Variants in EFCAB5 observed in about 807,000 individuals in gnomAD.
The protein encoded by EFCAB5 is EF-hand calcium binding domain 5.
Under a neutral mutation model 167.9 loss-of-function variants are expected in EFCAB5, and 131 were observed. The ratio of observed to expected loss-of-function variants is 0.78; its 90% confidence interval spans 0.68 to 0.90. The LOEUF is 0.90. Ranked by LOEUF, EFCAB5 falls within the 40% of genes least tolerant of loss-of-function variation. The pLI, the probability that EFCAB5 is intolerant of heterozygous loss-of-function variation, is 0.00. For synonymous variants in EFCAB5, 574 were observed against 602.8 expected (o/e 0.95, Z 0.70); for missense variants, 1,663 against 1,745.2 (o/e 0.95, Z 0.84).
chr17:30,013,573 C>T (rs1377732923), intron 7 of EFCAB5, among the ~76,000 whole-genome samples: 3 of 151,890 alleles, frequency 2.0e-5, no homozygotes, highest in Non-Finnish European at 2.9e-5. Context: ...CTTCTAGATT[C>T]CCTAGTTTAT....
chr17:30,108,100 T>C lies in EFCAB5; in HGVS notation c.*76T>C. On this transcript the variant is annotated 3_prime_UTR_variant, in exon 23 of 23. Coordinates refer to ENST00000394835, the MANE Select transcript of EFCAB5 (RefSeq NM_198529.4). ...TCAGTTTTGTTTGTTAACTATAAAA[T>C]ATTTTCCATTGGAAAGGGGTACCTA... 1 of 1,468,192 alleles carries C rather than the reference T, an allele frequency of 6.8e-7. No individual in the cohort carries two copies. Among genetic ancestry groups the C allele is most frequent in the Non-Finnish European group, 9.1e-7 (1 of 1,095,378 alleles). The allele number at this position is 1,468,192 out of a possible 1,614,324, so 90.9% of individuals were successfully genotyped here.
chr17:29,982,400 A>G (rs1310887042), intron 4 of EFCAB5, among the ~76,000 whole-genome samples: 1 of 152,156 alleles, frequency 6.6e-6, no homozygotes, highest in Non-Finnish European at 1.5e-5. Flanking sequence ...CAAAAAAAAA[A>G]GAAAGAAAGA....
chr17:30,009,671 T>G (rs2068849883), intron 7 of EFCAB5, among the ~76,000 whole-genome samples: 2 of 152,218 alleles, frequency 1.3e-5, no homozygotes, highest in African/African-American at 4.8e-5. Flanking sequence ...ATTTTTTGGC[T>G]ACTGTAAATA....
At chr17:30,055,651 A>G (rs2070239502) in intron 10 of EFCAB5, among the ~76,000 whole-genome samples, 1 of 152,230 alleles carries the variant, frequency 6.6e-6, no homozygotes. Flanking sequence ...TGAGAAATGT[A>G]GCCTCATTTT....
At chr17:30,008,071 A>ACCG (rs869212166) in intron 7 of EFCAB5, among the ~76,000 whole-genome samples, 1 of 135,592 alleles carries the variant, frequency 7.4e-6, no homozygotes, top group Non-Finnish European at 1.6e-5. Context: ...GTCAATAGCA[A>ACCG]TCTAATGATT....
chr17:29,964,518 C>T (rs1028413334), intron 3 of EFCAB5, among the ~76,000 whole-genome samples: 5 of 152,146 alleles, frequency 3.3e-5, no homozygotes, highest in African/African-American at 1.2e-4. Flanking sequence ...TGGTCTCGAA[C>T]TCCTGACCTC....
rs1252853249 is a variant in EFCAB5 at position 30,054,052 on chromosome 17, A to G, written c.2098A>G (p.Lys700Glu). ...GTACATTGAAGTCCCTCTACAGGAA[A>G]AGAGGTCTTGGGAACAAACATATGA... ...SEYIEVPLQEKRSWEQTYEEE... is the reference protein window; with the variant it reads ...SEYIEVPLQEERSWEQTYEEE... Residue 700 changes from lysine (K) to glutamate (E), a missense_variant, in exon 10 of 23, where the codon AAG (lysine) becomes GAG (glutamate). By Grantham distance (56) the Lys-to-Glu change is moderately conservative. Coordinates refer to ENST00000394835, the MANE Select transcript of EFCAB5 (RefSeq NM_198529.4). 1 of 1,601,724 alleles carries G rather than the reference A, an allele frequency of 6.2e-7. No homozygotes were observed. The highest frequency in any genetic ancestry group is 1.3e-5 in the African/African-American group (1 of 74,760).
intron 7 of EFCAB5, among the ~76,000 whole-genome samples, chr17:30,003,848 T>C (rs779919030): frequency 3.9e-5 from 6 of 152,232 alleles, no homozygotes; most frequent in African/African-American, 9.6e-5. Context: ...TAGTTCCTCA[T>C]ACAATATGTG....
intron 14 of EFCAB5, among the ~76,000 whole-genome samples, chr17:30,074,965 G>A (rs1439983285): frequency 6.6e-6 from 1 of 152,006 alleles, no homozygotes; most frequent in Non-Finnish European, 1.5e-5. Flanking sequence ...GCATGCCTGT[G>A]TATGTAAATG....
chr17:30,052,251 G>A (rs1183642110), intron 9 of EFCAB5, among the ~76,000 whole-genome samples: 1 of 152,102 alleles, frequency 6.6e-6, no homozygotes, highest in Non-Finnish European at 1.5e-5. Flanking sequence ...TGCAACTTCT[G>A]CCTCCCAGGT....
At chr17:29,964,678 GT>G (rs1441617373) in intron 3 of EFCAB5, among the ~76,000 whole-genome samples, 1 of 151,922 alleles carries the variant, frequency 6.6e-6, no homozygotes, top group Non-Finnish European at 1.5e-5. Flanking sequence ...GGTTATTTAT[GT>G]ATCTTTGCTA....
chr17:30,055,071 G>C (rs947522126), intron 10 of EFCAB5, among the ~76,000 whole-genome samples: 5 of 152,136 alleles, frequency 3.3e-5, no homozygotes, highest in African/African-American at 1.2e-4. Flanking sequence ...GCTGAGACGG[G>C]TGGATCGCTT....
At chr17:30,049,712 A>G (rs572118731) in intron 8 of EFCAB5, among the ~76,000 whole-genome samples, 54 of 152,358 alleles carry the variant, frequency 3.5e-4, no homozygotes, top group African/African-American at 1.2e-3. Context: ...AAACTCTAAC[A>G]ATATCAAGTA....
At chr17:29,975,772 T>A (rs2068052769) in intron 4 of EFCAB5, among the ~76,000 whole-genome samples, 1 of 152,210 alleles carries the variant, frequency 6.6e-6, no homozygotes, top group African/African-American at 2.4e-5. Flanking sequence ...ATCATGGTTG[T>A]CTATCAGTGA....
At chr17:30,017,170 G>A (rs190752955) in intron 7 of EFCAB5, among the ~76,000 whole-genome samples, 5 of 151,464 alleles carry the variant, frequency 3.3e-5, no homozygotes, top group South Asian at 4.2e-4. Context: ...GAGCGAGAAC[G>A]TGTCTCAAAA....
At chr17:30,021,712 A>G (rs1231025374) in intron 7 of EFCAB5, among the ~76,000 whole-genome samples, 3 of 152,078 alleles carry the variant, frequency 2.0e-5, no homozygotes, top group African/African-American at 7.2e-5. Flanking sequence ...ATTTATTGAA[A>G]GTTTTTAGTT....
At position 29,968,782 on chromosome 17, in the gene EFCAB5, T is replaced by C. The variant is rs745585228; in HGVS notation, c.191-9T>C. 1.6e-5 allele frequency: 23 copies of C among 1,454,138 alleles called. No homozygotes were observed. Among genetic ancestry groups the C allele is most frequent in the African/African-American group, 8.7e-5 (6 of 69,316 alleles). The allele number at this position is 1,454,138 out of a possible 1,614,324, so 90.1% of individuals were successfully genotyped here. A position where few individuals can be genotyped will look rare whatever the true frequency, so the allele number is the denominator to read the frequency against. ...ACATTTCTTACATTTCACTTTTTTT[T>C]CCCCTCAGAATTAAACCTGGAGGGG... On this transcript the variant is annotated splice_polypyrimidine_tract_variant and intron_variant, in intron 3 of 22. Coordinates refer to ENST00000394835, the MANE Select transcript of EFCAB5 (RefSeq NM_198529.4).
At chr17:29,969,789 T>A (rs2067911783) in intron 4 of EFCAB5, among the ~76,000 whole-genome samples, 1 of 152,174 alleles carries the variant, frequency 6.6e-6, no homozygotes, top group African/African-American at 2.4e-5. Context: ...ACCTCCACCA[T>A]AAATAACTAC....
intron 7 of EFCAB5, among the ~76,000 whole-genome samples, chr17:30,001,779 A>G (rs1287954029): frequency 6.6e-6 from 1 of 152,234 alleles, no homozygotes; most frequent in Non-Finnish European, 1.5e-5. Flanking sequence ...TTTTTTGTGT[A>G]ATAATAATAG....
Sources: gnomAD v4.1 joint callset for allele counts (sites outside exome capture counted in the v4.1 genomes callset) on GRCh38, gnomAD v4.1.1 for gene constraint, MANE v1.5 for transcripts, NCBI Gene and HGNC (gene_info 2026-07-23, HGNC 2026-07-21) for gene names.